CABLES1: variants seen among roughly 807,000 people sequenced by gnomAD.
CABLES1 encodes the protein CDK5 and ABL1 enzyme substrate 1.
CABLES1 carries 36 observed loss-of-function variants against 57.8 expected under a neutral mutation model. That is an observed-to-expected ratio of 0.62 (90% CI 0.48 to 0.82). CABLES1 has a LOEUF of 0.82. Among genes scored for constraint, CABLES1 ranks in the 40% least tolerant of loss-of-function variants. The probability of loss-of-function intolerance (pLI) is 0.00; values close to 1 mark genes in which losing one functional copy is unlikely to be tolerated. For synonymous variants in CABLES1, 374 were observed against 363.0 expected, an observed-to-expected ratio of 1.03 and a Z score of -0.35; for missense variants, 767 against 836.6, an observed-to-expected ratio of 0.92 and a Z score of 1.03.
Position 23,223,462 on chromosome 18 carries a change from C to T in CABLES1, c.1088+9408C>T, listed in dbSNP as rs572328329. Among the ~76,000 whole-genome samples the T allele has an allele frequency of 1.4e-4, 21 of 151,740 alleles. No individual in the cohort carries two copies. The East Asian group carries it at 3.5e-3, about 25-fold the overall frequency. ...ACGTACTGGCAGGCGCCTGAAATCA[C>T]AGCTACTCGGGAGGCTGAGGCAGGA... On this transcript the variant is annotated intron_variant, in intron 4 of 9. Transcript: ENST00000256925.
At chr18:23,245,606 T>C (rs1247409906) in intron 7 of CABLES1, among the ~76,000 whole-genome samples, 1 of 152,166 alleles carries the variant, frequency 6.6e-6, no homozygotes, top group Non-Finnish European at 1.5e-5. Context: ...TTTCCTGTTA[T>C]CTCAGAAGGA....
chr18:23,169,802 G>T (rs1018451762), intron 1 of CABLES1, among the ~76,000 whole-genome samples: 2 of 152,324 alleles, frequency 1.3e-5, no homozygotes, highest in South Asian at 2.1e-4. Flanking sequence ...TGGGATAGGT[G>T]CCCTGTTGCT....
intron 9 of CABLES1, 62 bp downstream of exon 9, chr18:23,253,998 A>C: frequency 6.2e-6 from 9 of 1,445,950 alleles, no homozygotes; most frequent in South Asian, 1.2e-5. Context: ...TTCCTCTCTC[A>C]GAAGGATTCG....
intron 1 of CABLES1, among the ~76,000 whole-genome samples, chr18:23,159,121 A>G (rs1250682730): frequency 1.3e-5 from 2 of 152,076 alleles, no homozygotes; most frequent in African/African-American, 4.8e-5. Flanking sequence ...GCACACCACC[A>G]CGCCCGGTTA....
intron 1 of CABLES1, among the ~76,000 whole-genome samples, chr18:23,156,144 A>G (rs1030523827): frequency 2.6e-5 from 4 of 152,106 alleles, no homozygotes; most frequent in African/African-American, 9.7e-5. Context: ...GTCATCTGGA[A>G]CAGAGGGGGG....
rs545638094 is a variant in CABLES1 at position 23,241,634 on chromosome 18, T to C, written c.1446+4389T>C. ...TTCATGCGGCTGCCATGAATGTTCTTGTGCATGGCTTTCTGTGGAAATACT... is the reference window on the plus strand; with the variant it reads ...TTCATGCGGCTGCCATGAATGTTCTCGTGCATGGCTTTCTGTGGAAATACT... On this transcript the variant is annotated intron_variant, in intron 7 of 9. Coordinates refer to ENST00000256925, the MANE Select transcript of CABLES1 (RefSeq NM_001100619.3). Among the ~76,000 whole-genome samples, 179 of 152,366 alleles carry C rather than the reference T, an allele frequency of 1.2e-3. 1 individual carries two copies. The highest frequency in any genetic ancestry group is 4.1e-3 in the African/African-American group (171 of 41,588).
chr18:23,154,036 A>T (rs1158712210), intron 1 of CABLES1, among the ~76,000 whole-genome samples: 1 of 152,214 alleles, frequency 6.6e-6, no homozygotes, highest in African/African-American at 2.4e-5. Flanking sequence ...TCAAAAAAAA[A>T]TTGTAGAAAT....
At chr18:23,225,900 C>A (rs563736113) in intron 4 of CABLES1, among the ~76,000 whole-genome samples, 1 of 152,364 alleles carries the variant, frequency 6.6e-6, no homozygotes, top group East Asian at 1.9e-4. Context: ...CTCTTCCCCT[C>A]GCTTTCCAGC....
chr18:23,143,790 G>A (rs550660320), intron 1 of CABLES1, among the ~76,000 whole-genome samples: 5 of 149,294 alleles, frequency 3.3e-5, no homozygotes, highest in East Asian at 2.0e-4. Context: ...GTGGTGGCCC[G>A]AGGGGCTCCT....
At chr18:23,254,927 G>T (rs2048126174) in intron 9 of CABLES1, among the ~76,000 whole-genome samples, 1 of 152,222 alleles carries the variant, frequency 6.6e-6, no homozygotes, top group South Asian at 2.1e-4. Flanking sequence ...TGTGGGGGCT[G>T]TGTATGGAAG....
chr18:23,134,600 T>C (rs1296446338), upstream of CABLES1: 1 of 152,170 alleles, frequency 6.6e-6, no homozygotes, highest in African/African-American at 2.4e-5. Flanking sequence ...ACTGTCCACA[T>C]TGGTCCCAGT....
intron 4 of CABLES1, among the ~76,000 whole-genome samples, chr18:23,223,714 C>G (rs1028598197): frequency 6.6e-6 from 1 of 151,992 alleles, no homozygotes; most frequent in Non-Finnish European, 1.5e-5. Flanking sequence ...CCTGCATCCT[C>G]TCCGCCACCA....
chr18:23,206,727 C>A (rs1598829580), intron 3 of CABLES1, among the ~76,000 whole-genome samples: 1 of 151,998 alleles, frequency 6.6e-6, no homozygotes, highest in East Asian at 1.9e-4. Flanking sequence ...CAATGACTTG[C>A]CTTGTGTGAA....
chr18:23,231,485 C>T (rs1022388586), intron 4 of CABLES1, among the ~76,000 whole-genome samples: 1 of 152,146 alleles, frequency 6.6e-6, no homozygotes, highest in Non-Finnish European at 1.5e-5. Context: ...ACTATTCTTG[C>T]TTATTTTCTT....
At chr18:23,235,304 T>G (rs1028241360) in intron 5 of CABLES1, among the ~76,000 whole-genome samples, 1 of 152,174 alleles carries the variant, frequency 6.6e-6, no homozygotes, top group African/African-American at 2.4e-5. Flanking sequence ...CCGGGGTAGT[T>G]TGTTTGCCGA....
chr18:23,225,661 G>A (rs1039020137), intron 4 of CABLES1, among the ~76,000 whole-genome samples: 72 of 152,186 alleles, frequency 4.7e-4, no homozygotes, highest in African/African-American at 1.7e-3. Context: ...AAGAGTCCCA[G>A]CCTTAAACCA....
At position 23,257,648 on chromosome 18, in the gene CABLES1, C is replaced by T. The variant is rs2048200016; in HGVS notation, c.*281C>T. 3.1e-6 allele frequency: 1 copy of T among 318,872 alleles called. No homozygotes were observed. 19.8% of individuals were successfully genotyped at this position (318,872 alleles called of 1,614,324 possible). On this transcript the variant is annotated 3_prime_UTR_variant, in exon 10 of 10. Coordinates refer to ENST00000256925, the MANE Select transcript of CABLES1 (RefSeq NM_001100619.3). ...CACTAGCGAGAATCCCTAGCTGCCCCAGCCCAGTCTTTCTCCCCGGCATTC... is the reference window on the plus strand; with the variant it reads ...CACTAGCGAGAATCCCTAGCTGCCCTAGCCCAGTCTTTCTCCCCGGCATTC...
chr18:23,160,672 C>T (rs1241619553), intron 1 of CABLES1, among the ~76,000 whole-genome samples: 10 of 152,150 alleles, frequency 6.6e-5, no homozygotes, highest in African/African-American at 2.4e-4. Flanking sequence ...TTGTGAGACT[C>T]CCCTGTGTGG....
intron 4 of CABLES1, among the ~76,000 whole-genome samples, chr18:23,232,236 C>T (rs1360870462): frequency 6.6e-6 from 1 of 152,160 alleles, no homozygotes; most frequent in East Asian, 1.9e-4. Flanking sequence ...TAATTTCAGC[C>T]CTAAGTAACA....
Sources: gnomAD v4.1 joint callset for allele counts (sites outside exome capture counted in the v4.1 genomes callset) on GRCh38, gnomAD v4.1.1 for gene constraint, MANE v1.5 for transcripts, NCBI Gene and HGNC (gene_info 2026-07-23, HGNC 2026-07-21) for gene names.